Variants in ERCC8 observed in about 807,000 individuals in gnomAD.
ERCC8 encodes the protein DNA excision repair protein ERCC-8.
Under a neutral mutation model 54.9 loss-of-function variants are expected in ERCC8, and 52 were observed. That is an observed-to-expected ratio of 0.95 (90% CI 0.76 to 1.19). The LOEUF (loss-of-function observed/expected upper bound fraction) is 1.19. Among genes scored for constraint, ERCC8 ranks in the 50% most tolerant of loss-of-function variants. ERCC8 has a pLI of 0.00. For missense variants in ERCC8, 514 were observed against 466.1 expected (o/e 1.10, Z -0.95); for synonymous variants, 146 against 157.2 (o/e 0.93, Z 0.53).
chr5:60,939,966 A>C (rs1473600683), intron 1 of ERCC8, among the ~76,000 whole-genome samples: 2 of 152,038 alleles, frequency 1.3e-5, no homozygotes, highest in Non-Finnish European at 2.9e-5. Context: ...TCTTGTCTGG[A>C]CTTCAGTGAG....
chr5:60,892,632 T>C, intron 9 of ERCC8: 1 of 658,876 alleles, frequency 1.5e-6, no homozygotes, highest in Non-Finnish European at 2.8e-6. Flanking sequence ...GTTGGAAATC[T>C]CCTCCAGGTT....
chr5:60,926,777 G>A (rs988441739), intron 2 of ERCC8, among the ~76,000 whole-genome samples: 7 of 152,058 alleles, frequency 4.6e-5, no homozygotes, highest in Non-Finnish European at 1.0e-4. Flanking sequence ...TTCATGAAAC[G>A]TTGCTTTTCT....
At chr5:60,943,204 G>T (rs986431841) in intron 1 of ERCC8, among the ~76,000 whole-genome samples, 1 of 152,038 alleles carries the variant, frequency 6.6e-6, no homozygotes, top group African/African-American at 2.4e-5. Flanking sequence ...CTGGAAAGTC[G>T]AGGCTGCAGT....
In ERCC8 at chr5:60,870,564, A is replaced by C. The variant is rs1199475788; in HGVS notation, c.*4051T>G. Among the ~76,000 whole-genome samples, 27 of 146,354 alleles carry C rather than the reference A, an allele frequency of 1.8e-4. No homozygotes were observed. Among genetic ancestry groups the C allele is most frequent in the Non-Finnish European group, 4.5e-5 (3 of 66,816 alleles). ...GTAATCCCAGCTGCTTGGGAGGCTG[A>C]GGCAGGAAAATTGCTTGAACCTGGG... On this transcript the variant is annotated 3_prime_UTR_variant, in exon 12 of 12. Transcript: ENST00000676185.
Position 60,945,018 on chromosome 5 carries a change from T to C in ERCC8, c.-10A>G. 1 of 1,612,030 alleles carries C rather than the reference T, an allele frequency of 6.2e-7. No individual in the cohort carries two copies. The highest frequency in any genetic ancestry group is 2.2e-5 in the East Asian group (1 of 44,836). On this transcript the variant is annotated 5_prime_UTR_variant, in exon 1 of 12. Transcript: ENST00000676185. The stretch of plus-strand genomic sequence containing the variant: ...ACAAAAACCCCAGCATATCGTGTCC[T>C]CACACCGGCTGGAGCACTGGACGTC...
In ERCC8 at chr5:60,891,054, T is replaced by C; in HGVS notation, c.876A>G (p.Lys292=). The C allele has an allele frequency of 6.2e-7, 1 of 1,612,508 alleles. No homozygotes were observed. The highest frequency in any genetic ancestry group is 2.2e-5 in the East Asian group (1 of 44,782). ...VNYGKVCNNS[K]KGLKFTVSCG... ...AGGAGACAGTGAATTTCAATCCTTT[T>C]TTACTGTTATTACAAACTTTTCCAT... Residue 292 remains lysine (K), a synonymous_variant, in exon 10 of 12, where the codon AAA becomes AAG. Transcript: ENST00000676185.
intron 3 of ERCC8, among the ~76,000 whole-genome samples, chr5:60,921,297 G>A (rs748672570): frequency 2.0e-5 from 3 of 151,914 alleles, no homozygotes; most frequent in Non-Finnish European, 2.9e-5. Flanking sequence ...AGCTGTAATA[G>A]ATAGTTGATG....
intron 11 of ERCC8, among the ~76,000 whole-genome samples, chr5:60,884,637 T>C (rs2112468327): frequency 6.6e-6 from 1 of 151,984 alleles, no homozygotes; most frequent in Non-Finnish European, 1.5e-5. Context: ...TGGCTTAAAT[T>C]ATAAACATAC....
intron 11 of ERCC8, among the ~76,000 whole-genome samples, chr5:60,886,420 G>A (rs930722045): frequency 1.3e-5 from 2 of 152,240 alleles, no homozygotes; most frequent in South Asian, 2.1e-4. Flanking sequence ...TAAAAATGTC[G>A]GCTAGGGGTA....
intron 11 of ERCC8, among the ~76,000 whole-genome samples, chr5:60,876,422 A>G (rs905132921): frequency 7.2e-5 from 11 of 152,180 alleles, no homozygotes; most frequent in Non-Finnish European, 4.4e-5. Flanking sequence ...GTCAAATGGT[A>G]TTTCTAGTTC....
chr5:60,923,026 A>G (rs866957208), intron 2 of ERCC8, among the ~76,000 whole-genome samples: 1 of 152,074 alleles, frequency 6.6e-6, no homozygotes, highest in African/African-American at 2.4e-5. Context: ...AACCAAAAGA[A>G]GGGATTTGTT....
chr5:60,933,378 C>G (rs1437994043), intron 1 of ERCC8, among the ~76,000 whole-genome samples: 1 of 151,754 alleles, frequency 6.6e-6, no homozygotes, highest in East Asian at 1.9e-4. Flanking sequence ...GCCACCACAC[C>G]TGGCTAATTT....
At chr5:60,893,247 C>T in intron 9 of ERCC8, 1 of 1,005,626 alleles carries the variant, frequency 9.9e-7, no homozygotes, top group East Asian at 2.4e-5. Context: ...TTCATAGTGG[C>T]CTCGTCATCC....
intron 7 of ERCC8, among the ~76,000 whole-genome samples, chr5:60,901,304 C>G (rs942138246): frequency 3.3e-5 from 5 of 151,810 alleles, no homozygotes; most frequent in African/African-American, 1.2e-4. Context: ...TTTCAGGCAC[C>G]TAGGTACTTT....
intron 1 of ERCC8, among the ~76,000 whole-genome samples, chr5:60,933,778 T>C (rs2112539076): frequency 6.6e-6 from 1 of 152,298 alleles, no homozygotes; most frequent in South Asian, 2.1e-4. Flanking sequence ...CTTATGCCTT[T>C]GTGTCCTCCA....
intron 4 of ERCC8, 150 bp downstream of exon 4, chr5:60,918,115 T>C (rs1247184919): frequency 3.1e-6 from 2 of 654,472 alleles, no homozygotes; most frequent in East Asian, 2.8e-5. Flanking sequence ...AGCCAGGATA[T>C]GAACTCAAGT....
chr5:60,929,552 A>G (rs4647058), intron 1 of ERCC8, among the ~76,000 whole-genome samples: 2 of 152,268 alleles, frequency 1.3e-5, no homozygotes, highest in South Asian at 4.1e-4. Flanking sequence ...ACTTCATTGC[A>G]CTCCAGCCTG....
intron 11 of ERCC8, among the ~76,000 whole-genome samples, chr5:60,880,567 T>C (rs995216689): frequency 6.6e-6 from 1 of 152,182 alleles, no homozygotes; most frequent in African/African-American, 2.4e-5. Context: ...TTCATTTCTT[T>C]TTATTCTTTT....
intron 4 of ERCC8, among the ~76,000 whole-genome samples, chr5:60,912,634 T>C (rs567119903): frequency 2.3e-4 from 35 of 152,116 alleles, no homozygotes; most frequent in Non-Finnish European, 4.4e-4. Flanking sequence ...CTATGTTAAA[T>C]AGGAGTGGTG....
Sources: gnomAD v4.1 joint callset for allele counts (sites outside exome capture counted in the v4.1 genomes callset) on GRCh38, gnomAD v4.1.1 for gene constraint, MANE v1.5 for transcripts, NCBI Gene and HGNC (gene_info 2026-07-23, HGNC 2026-07-21) for gene names.